TRPC5: variants seen among roughly 807,000 people sequenced by gnomAD.
TRPC5 encodes the protein transient receptor potential cation channel subfamily C member 5.
In TRPC5, 9 loss-of-function variants were observed where a neutral mutation model predicts 56.5. The observed-to-expected ratio is 0.16, with a 90% CI of 0.10 to 0.28. The LOEUF (loss-of-function observed/expected upper bound fraction) is 0.28, where lower values mean the gene tolerates loss of function less well. Among genes scored for constraint, TRPC5 ranks in the 10% least tolerant of loss-of-function variants. TRPC5 has a pLI of 1.00. For missense variants in TRPC5, 469 were observed against 748.9 expected (o/e 0.63, Z 4.36); for synonymous variants, 282 against 278.5 (o/e 1.01, Z -0.13).
At chrX:111,959,171 G>A (rs755247720) in intron 1 of TRPC5, among the ~76,000 whole-genome samples, 1 of 112,159 alleles carries the variant, frequency 8.9e-6, no homozygotes, top group Non-Finnish European at 1.9e-5. Context: ...TGGTTTGTAA[G>A]CCCTATTTTT....
intron 3 of TRPC5, among the ~76,000 whole-genome samples, chrX:111,900,967 G>A (rs1370379094): frequency 1.8e-5 from 2 of 111,007 alleles, no homozygotes; most frequent in Non-Finnish European, 3.8e-5. Context: ...CACTAGACAC[G>A]CAGATGAAAA....
At chrX:111,910,540 A>AT (rs930118424) in intron 3 of TRPC5, among the ~76,000 whole-genome samples, 3 of 111,110 alleles carry the variant, frequency 2.7e-5, no homozygotes, top group Non-Finnish European at 3.8e-5. Context: ...CTAATAGTAA[A>AT]TTTTTTTTTG....
intron 1 of TRPC5, among the ~76,000 whole-genome samples, chrX:111,957,787 A>T (rs1213092955): frequency 8.9e-6 from 1 of 112,407 alleles, no homozygotes; most frequent in African/African-American, 3.2e-5. Context: ...TATATAAATG[A>T]CATTGCCCTT....
At chrX:111,864,110 C>A (rs1465539446) in intron 3 of TRPC5, among the ~76,000 whole-genome samples, 1 of 110,882 alleles carries the variant, frequency 9.0e-6, no homozygotes, top group Non-Finnish European at 1.9e-5. Flanking sequence ...CCTCAGCCTC[C>A]CGAGTAGCTG....
intron 1 of TRPC5, among the ~76,000 whole-genome samples, chrX:111,962,101 G>T (rs1305651996): frequency 9.0e-6 from 1 of 111,331 alleles, no homozygotes. Flanking sequence ...ATGATAGAAG[G>T]GGAATGAGGG....
intron 1 of TRPC5, among the ~76,000 whole-genome samples, chrX:112,014,606 T>C (rs915398090): frequency 1.8e-5 from 2 of 112,227 alleles, no homozygotes; most frequent in African/African-American, 6.5e-5. Flanking sequence ...CAAGGATGTG[T>C]GGATATAGTG....
intron 3 of TRPC5, among the ~76,000 whole-genome samples, chrX:111,882,223 A>T (rs766333897): frequency 9.1e-6 from 1 of 109,688 alleles, no homozygotes; most frequent in Non-Finnish European, 1.9e-5. Context: ...GTGGAGTGTT[A>T]TATAAAAGAG....
At chrX:112,024,071 G>A (rs1365353924) in intron 1 of TRPC5, among the ~76,000 whole-genome samples, 1 of 111,655 alleles carries the variant, frequency 9.0e-6, no homozygotes, top group African/African-American at 3.3e-5. Context: ...CCTGCTTGGA[G>A]ATGCTGGTCA....
chrX:111,901,545 C>G (rs975799769), intron 3 of TRPC5: 4 of 176,588 alleles, frequency 2.3e-5, no homozygotes, highest in African/African-American at 1.2e-4. Flanking sequence ...ATTAGGTCTG[C>G]TTTGCTGTTT....
chrX:111,922,905 G>A (rs1229526402), intron 2 of TRPC5, among the ~76,000 whole-genome samples: 1 of 111,949 alleles, frequency 8.9e-6, no homozygotes, highest in African/African-American at 3.2e-5. Flanking sequence ...ATGGCTACTG[G>A]AGGTTGAGCA....
At chrX:111,989,839 A>T (rs907104236) in intron 1 of TRPC5, among the ~76,000 whole-genome samples, 6 of 112,350 alleles carry the variant, frequency 5.3e-5, no homozygotes, top group African/African-American at 1.9e-4. Context: ...CTTTGAAACA[A>T]ATTAAAACAC....
intron 1 of TRPC5, among the ~76,000 whole-genome samples, chrX:112,036,724 T>C (rs965157448): frequency 2.7e-5 from 3 of 111,657 alleles, no homozygotes; most frequent in Middle Eastern, 4.6e-3. Context: ...GAGCTGCCTA[T>C]TCTGCTATTT....
At chrX:111,895,174 G>C (rs1925005498) in intron 3 of TRPC5, among the ~76,000 whole-genome samples, 1 of 111,508 alleles carries the variant, frequency 9.0e-6, no homozygotes, top group African/African-American at 3.3e-5. Context: ...AGTTCCAGTT[G>C]TTCCATGTTT....
Position 111,964,381 on chromosome X carries a change from C to T in TRPC5, c.-21-11940G>A, listed in dbSNP as rs190812616. Among the ~76,000 whole-genome samples, 358 of 112,258 alleles carry T rather than the reference C, an allele frequency of 3.2e-3. 3 individuals are homozygous for T. The highest frequency in any genetic ancestry group is 0.011 in the African/African-American group (344 of 30,894). ...CCTGAAAGTAACAGGGAGAATGGAA[C>T]CAAGTTGGAAAACACTCTTCAGGAT... On this transcript the variant is annotated intron_variant, in intron 1 of 10. Transcript: ENST00000262839.
intron 2 of TRPC5, among the ~76,000 whole-genome samples, chrX:111,918,217 G>C (rs571648988): frequency 1.8e-5 from 2 of 111,454 alleles, no homozygotes; most frequent in African/African-American, 3.3e-5. Context: ...GAGGAAAAAA[G>C]GTGAGTTGAA....
intron 2 of TRPC5, among the ~76,000 whole-genome samples, chrX:111,937,104 G>A (rs1926608074): frequency 9.5e-6 from 1 of 105,646 alleles, no homozygotes; most frequent in African/African-American, 3.7e-5. Flanking sequence ...GTGATGGAGA[G>A]CATTTTTTCA....
intron 7 of TRPC5, among the ~76,000 whole-genome samples, chrX:111,802,041 T>C (rs927583223): frequency 2.9e-4 from 32 of 111,999 alleles, no homozygotes; most frequent in African/African-American, 1.0e-3. Flanking sequence ...AATATAGAGT[T>C]AGTTTTTGTG....
chrX:112,012,400 C>CTT (rs765167513), intron 1 of TRPC5, among the ~76,000 whole-genome samples: 94 of 108,286 alleles, frequency 8.7e-4, no homozygotes, highest in African/African-American at 3.0e-3. Flanking sequence ...TTTTCTTTTT[C>CTT]TTTTTTTTGA....
chrX:112,081,388 A>G (rs1569530889), intron 1 of TRPC5, among the ~76,000 whole-genome samples: 2 of 111,579 alleles, frequency 1.8e-5, no homozygotes, highest in African/African-American at 6.5e-5. Flanking sequence ...ATACAAGACA[A>G]AGAAGGTAAA....
Sources: allele counts gnomAD v4.1 joint callset (sites outside exome capture counted in the v4.1 genomes callset), GRCh38; gene constraint gnomAD v4.1.1; transcripts MANE v1.5; gene names NCBI Gene and HGNC (gene_info 2026-07-23, HGNC 2026-07-21).